CALN1: variants seen among roughly 807,000 people sequenced by gnomAD.
CALN1 encodes calcium-binding protein 8.
Under a neutral mutation model 30.6 loss-of-function variants are expected in CALN1, and 17 were observed. The ratio of observed to expected loss-of-function variants is 0.56; its 90% confidence interval spans 0.38 to 0.83. The LOEUF is 0.83. CALN1 is among the 40% of genes least tolerant of loss of function. The probability of loss-of-function intolerance (pLI) is 0.00; values close to 1 mark genes in which losing one functional copy is unlikely to be tolerated. For missense variants in CALN1, 291 were observed against 354.9 expected (o/e 0.82, Z 1.45); for synonymous variants, 156 against 131.4 (o/e 1.19, Z -1.28).
chr7:71,891,966 A>AT (rs1406847361), intron 5 of CALN1, among the ~76,000 whole-genome samples: 5 of 152,134 alleles, frequency 3.3e-5, no homozygotes, highest in African/African-American at 1.2e-4. Context: ...ATAAAAAAAA[A>AT]AATAACAAGT....
intron 5 of CALN1, among the ~76,000 whole-genome samples, chr7:71,870,765 C>T (rs975056625): frequency 1.3e-5 from 2 of 152,162 alleles, no homozygotes; most frequent in Non-Finnish European, 2.9e-5. Flanking sequence ...TGGCAAATGA[C>T]GAAGCATAAA....
intron 5 of CALN1, among the ~76,000 whole-genome samples, chr7:71,924,188 A>C (rs529810972): frequency 8.1e-6 from 1 of 123,616 alleles, no homozygotes; most frequent in African/African-American, 3.1e-5. Flanking sequence ...AGTGAAACTC[A>C]GTCTCAAAAA....
At chr7:72,225,989 G>A (rs752605066) in intron 3 of CALN1, among the ~76,000 whole-genome samples, 29 of 151,904 alleles carry the variant, frequency 1.9e-4, no homozygotes, top group Admixed American at 1.3e-4. Context: ...CCAGCTACTC[G>A]GGAGGCTGAG....
chr7:71,991,230 G>T (rs538622432), intron 5 of CALN1, among the ~76,000 whole-genome samples: 1 of 152,082 alleles, frequency 6.6e-6, no homozygotes, highest in Non-Finnish European at 1.5e-5. Context: ...AGGCCAAGGC[G>T]GGCAGATCAT....
chr7:71,821,786 TTC>T (rs1462714272), intron 5 of CALN1, among the ~76,000 whole-genome samples: 14 of 108,178 alleles, frequency 1.3e-4, no homozygotes, highest in African/African-American at 5.7e-4. Flanking sequence ...AAATGTTTCT[TTC>T]TTTTTTTTTT....
At chr7:71,914,763 A>G (rs1289963209) in intron 5 of CALN1, among the ~76,000 whole-genome samples, 1 of 151,800 alleles carries the variant, frequency 6.6e-6, no homozygotes, top group Non-Finnish European at 1.5e-5. Flanking sequence ...ATGGTGTCTC[A>G]TTGTAGTTTT....
At chr7:72,300,700 T>C (rs1799198063) in intron 2 of CALN1, among the ~76,000 whole-genome samples, 1 of 152,294 alleles carries the variant, frequency 6.6e-6, no homozygotes, top group Admixed American at 6.5e-5. Flanking sequence ...ATTTGTCTAA[T>C]TATATTTATA....
intron 3 of CALN1, among the ~76,000 whole-genome samples, chr7:72,159,423 C>T (rs1787945728): frequency 1.3e-5 from 2 of 151,904 alleles, no homozygotes. Flanking sequence ...TCACTTGAAC[C>T]CAGAAGGCTG....
rs140132162 is a variant in CALN1 at position 72,410,135 on chromosome 7, G to A, written c.-74+1923C>T. ...GAGTTGCTGACAAAAAAGACGACAG[G>A]GCAGAGTGTGAGCTCCAGCCTGCCC... On this transcript the variant is annotated intron_variant, in intron 1 of 6. Coordinates refer to ENST00000395275, the MANE Select transcript of CALN1 (RefSeq NM_031468.4). Among the ~76,000 whole-genome samples the A allele has an allele frequency of 2.6e-5, 4 of 152,220 alleles. No homozygotes were observed. The East Asian group carries it at 5.8e-4, about 22-fold the overall frequency.
intron 3 of CALN1, among the ~76,000 whole-genome samples, chr7:72,143,723 G>A (rs1488253733): frequency 6.6e-6 from 1 of 152,206 alleles, no homozygotes; most frequent in Non-Finnish European, 1.5e-5. Flanking sequence ...GGCAGCCAGA[G>A]AGAAAGGTCG....
At chr7:71,800,062 G>T (rs1377736315) in intron 6 of CALN1, among the ~76,000 whole-genome samples, 1 of 152,210 alleles carries the variant, frequency 6.6e-6, no homozygotes, top group Non-Finnish European at 1.5e-5. Context: ...CATTGTGCAT[G>T]GCCAGGTGAT....
chr7:72,051,630 C>T (rs972719318), intron 4 of CALN1, among the ~76,000 whole-genome samples: 3 of 152,130 alleles, frequency 2.0e-5, no homozygotes, highest in Non-Finnish European at 2.9e-5. Flanking sequence ...AACCAACCAA[C>T]ACATCTCACA....
chr7:72,330,884 C>T (rs1376316354), intron 2 of CALN1, among the ~76,000 whole-genome samples: 2 of 152,286 alleles, frequency 1.3e-5, no homozygotes, highest in African/African-American at 4.8e-5. Flanking sequence ...GCTCGGACTT[C>T]GATTTTACTT....
At chr7:72,470,060 A>T in the CALN1 span, among the ~76,000 whole-genome samples, 1 of 152,200 alleles carries the variant, frequency 6.6e-6, no homozygotes, top group Non-Finnish European at 1.5e-5. Flanking sequence ...ATAGGCACGT[A>T]TGAGACACTA....
chr7:72,366,318 T>G (rs1354563140), intron 2 of CALN1, among the ~76,000 whole-genome samples: 1 of 151,912 alleles, frequency 6.6e-6, no homozygotes, highest in Non-Finnish European at 1.5e-5. Flanking sequence ...GGATTACAGG[T>G]GCACACACCA....
At chr7:72,345,835 A>G (rs553619759) in intron 2 of CALN1, among the ~76,000 whole-genome samples, 5 of 152,354 alleles carry the variant, frequency 3.3e-5, no homozygotes, top group South Asian at 2.1e-4. Flanking sequence ...CGCCTGCCGC[A>G]TGAAAAGTTA....
the CALN1 span, among the ~76,000 whole-genome samples, chr7:72,501,954 CATATATATATATAAATATATAT>C: frequency 9.2e-5 from 7 of 75,864 alleles, no homozygotes; most frequent in Admixed American, 2.6e-4. Flanking sequence ...TATATACACA[CATATATATATATAAATATATAT>C]ACACACATAT....
intron 2 of CALN1, among the ~76,000 whole-genome samples, chr7:72,291,143 C>T (rs190421660): frequency 3.3e-5 from 5 of 152,160 alleles, no homozygotes; most frequent in Admixed American, 1.3e-4. Context: ...AGGCTGGTTT[C>T]GAACTCCTGC....
At chr7:71,996,941 A>C (rs908791607) in intron 5 of CALN1, among the ~76,000 whole-genome samples, 3 of 152,180 alleles carry the variant, frequency 2.0e-5, no homozygotes, top group Non-Finnish European at 4.4e-5. Flanking sequence ...TATAAAAAAG[A>C]ACCAGCTGGG....
Sources: allele counts gnomAD v4.1 joint callset (sites outside exome capture counted in the v4.1 genomes callset), GRCh38; gene constraint gnomAD v4.1.1; transcripts MANE v1.5; gene names NCBI Gene and HGNC (gene_info 2026-07-23, HGNC 2026-07-21).